Variants in CEP112 observed in about 807,000 individuals in gnomAD.
CEP112 encodes centrosomal protein of 112 kDa.
Under a neutral mutation model 153.0 loss-of-function variants are expected in CEP112, and 127 were observed. The observed-to-expected ratio is 0.83, with a 90% CI of 0.72 to 0.96. CEP112 has a LOEUF of 0.96. Ranked by LOEUF, CEP112 falls within the 40% of genes least tolerant of loss-of-function variation. The pLI, the probability that CEP112 is intolerant of heterozygous loss-of-function variation, is 0.00. For missense variants in CEP112, 1,089 were observed against 1,101.2 expected, an observed-to-expected ratio of 0.99 and a Z score of 0.16; for synonymous variants, 358 against 374.4, an observed-to-expected ratio of 0.96 and a Z score of 0.51.
intron 23 of CEP112, among the ~76,000 whole-genome samples, chr17:65,713,458 C>T (rs1205052698): frequency 2.0e-5 from 3 of 152,166 alleles, no homozygotes; most frequent in African/African-American, 4.8e-5. Flanking sequence ...AAGTGTTGTG[C>T]TACACATTGG....
intron 21 of CEP112, among the ~76,000 whole-genome samples, chr17:65,773,424 T>A (rs1395706828): frequency 6.7e-6 from 1 of 149,090 alleles, no homozygotes; most frequent in Non-Finnish European, 1.5e-5. Flanking sequence ...CATTTTTTTA[T>A]AATACTCATT....
Position 65,862,685 on chromosome 17 carries a change from CAT to C in CEP112, c.2164-10653_2164-10652del, listed in dbSNP as rs374389012. On this transcript the variant is annotated intron_variant, in intron 20 of 26. Coordinates refer to ENST00000535342, the MANE Select transcript of CEP112 (RefSeq NM_001199165.4). ...ATTAGTATTTAAATATTAATTATGACATATTCTTTGTATGTATCAGACACTAG... is the reference window on the plus strand; with the variant it reads ...ATTAGTATTTAAATATTAATTATGACATTCTTTGTATGTATCAGACACTAG... Among the ~76,000 whole-genome samples, 200 of 152,130 alleles carry C rather than the reference CAT, an allele frequency of 1.3e-3. 1 individual carries two copies. Among genetic ancestry groups the C allele is most frequent in the African/African-American group, 4.7e-3 (195 of 41,504 alleles).
chr17:65,960,531 G>A (rs2062162022), intron 18 of CEP112, among the ~76,000 whole-genome samples: 1 of 152,116 alleles, frequency 6.6e-6, no homozygotes, highest in Non-Finnish European at 1.5e-5. Context: ...AGACAGTCAA[G>A]TTCCTCATAT....
At chr17:65,676,750 T>A (rs61454029) in intron 24 of CEP112, among the ~76,000 whole-genome samples, 134 of 152,208 alleles carry the variant, frequency 8.8e-4, no homozygotes, top group Non-Finnish European at 1.6e-3. Flanking sequence ...TGATATACCA[T>A]CTCATTTACC....
intron 6 of CEP112, among the ~76,000 whole-genome samples, chr17:66,100,623 T>C (rs1375462392): frequency 6.6e-6 from 1 of 151,844 alleles, no homozygotes; most frequent in Non-Finnish European, 1.5e-5. Flanking sequence ...TAAATGCAAC[T>C]AAATATTTTA....
At chr17:65,814,376 G>A (rs2056149813) in intron 21 of CEP112, among the ~76,000 whole-genome samples, 1 of 152,146 alleles carries the variant, frequency 6.6e-6, no homozygotes, top group African/African-American at 2.4e-5. Context: ...TTGTTACCAT[G>A]TGGATAATGG....
intron 17 of CEP112, among the ~76,000 whole-genome samples, chr17:66,001,066 C>G (rs2160670): frequency 0.41 from 62,477 of 151,980 alleles, 14,309 homozygotes; most frequent in East Asian, 0.87. Flanking sequence ...CTATCATTAT[C>G]AAATAACTGG....
At chr17:65,663,916 T>A (rs12944600) in intron 24 of CEP112, among the ~76,000 whole-genome samples, 1 of 151,824 alleles carries the variant, frequency 6.6e-6, no homozygotes, top group Non-Finnish European at 1.5e-5. Flanking sequence ...CGTGGTGGCG[T>A]GCGCCTGTAG....
chr17:66,089,594 A>G (rs913185363), intron 8 of CEP112, among the ~76,000 whole-genome samples: 1 of 152,182 alleles, frequency 6.6e-6, no homozygotes, highest in Non-Finnish European at 1.5e-5. Context: ...AAATTCAGTA[A>G]ACTCAAATAT....
At chr17:65,857,252 G>A (rs2058153013) in intron 20 of CEP112, among the ~76,000 whole-genome samples, 1 of 152,132 alleles carries the variant, frequency 6.6e-6, no homozygotes, top group African/African-American at 2.4e-5. Flanking sequence ...AAAGCCTAAA[G>A]CAAAACAAAA....
At chr17:66,031,532 T>C (rs2065484951) in intron 12 of CEP112, among the ~76,000 whole-genome samples, 1 of 149,786 alleles carries the variant, frequency 6.7e-6, no homozygotes, top group Non-Finnish European at 1.5e-5. Flanking sequence ...AATCTTGGCT[T>C]ACTACAGCCT....
At chr17:65,637,254 A>G in intron 25 of CEP112, 66 bp from the exon 26 acceptor site, 3 of 1,044,000 alleles carry the variant, frequency 2.9e-6, no homozygotes, top group Non-Finnish European at 4.5e-6. Context: ...TGCAAATAGT[A>G]TGGTAAGATT....
At chr17:65,669,628 GTA>G (rs2046865953) in intron 24 of CEP112, among the ~76,000 whole-genome samples, 2 of 152,224 alleles carry the variant, frequency 1.3e-5, no homozygotes, top group African/African-American at 2.4e-5. Context: ...AAAAGGCCGG[GTA>G]CGGTGGCTCA....
Position 66,183,233 on chromosome 17 carries a change from C to T in CEP112, c.67G>A (p.Asp23Asn). The T allele has an allele frequency of 1.2e-6, 2 of 1,611,090 alleles. No individual in the cohort carries two copies. Among genetic ancestry groups the T allele is most frequent in the Non-Finnish European group, 1.7e-6 (2 of 1,178,632 alleles). The change falls in exon 2 of 27, where the codon GAT (aspartate) becomes AAT (asparagine). Residue 23 changes from aspartate (D) to asparagine (N), a missense_variant. Asp to Asn is a conservative substitution (Grantham distance 23, BLOSUM62 1). Coordinates refer to ENST00000535342, the MANE Select transcript of CEP112 (RefSeq NM_001199165.4). The part of the protein sequence containing the change: ...LDAEFDHFVV[D>N]MKPFVLKLPH... ...AATTTTAGAACAAAGGGCTTCATAT[C>T]AACCACAAAGTGATCAAATTCTGCA...
Position 66,147,419 on chromosome 17 carries a change from A to G in CEP112, c.471-14656T>C, listed in dbSNP as rs182170934. On this transcript the variant is annotated intron_variant, in intron 4 of 26. Coordinates refer to ENST00000535342, the MANE Select transcript of CEP112 (RefSeq NM_001199165.4). ...ACCCCTTTTCAAATATATGCTTTGC[A>G]AATATATTCTTCCATTCCATTGACT... 1.7e-4 allele frequency among the ~76,000 whole-genome samples: 26 copies of G among 152,246 alleles called. No homozygotes were observed. In the East Asian group the frequency reaches 4.8e-3, roughly 28 times the overall value.
chr17:65,965,902 A>G (rs1428345390), intron 17 of CEP112, among the ~76,000 whole-genome samples: 1 of 152,182 alleles, frequency 6.6e-6, no homozygotes, highest in Non-Finnish European at 1.5e-5. Context: ...TAATTTCTAC[A>G]TGGTAATGAA....
intron 23 of CEP112, among the ~76,000 whole-genome samples, chr17:65,707,580 C>T (rs2048979695): frequency 6.6e-6 from 1 of 152,164 alleles, no homozygotes; most frequent in Non-Finnish European, 1.5e-5. Flanking sequence ...TTGTACCAGT[C>T]TCCACTTTGG....
intron 2 of CEP112, among the ~76,000 whole-genome samples, chr17:66,178,035 T>C (rs931730770): frequency 2.0e-5 from 3 of 152,212 alleles, no homozygotes; most frequent in Non-Finnish European, 4.4e-5. Flanking sequence ...GGAGTGCAGA[T>C]ATCTCTTGGA....
At chr17:65,887,224 C>A (rs2318872) in intron 20 of CEP112, among the ~76,000 whole-genome samples, 122,036 of 152,062 alleles carry the variant, frequency 0.8, 50,495 homozygotes, top group Non-Finnish European at 0.91. Flanking sequence ...CCTTGCACTT[C>A]AGAGCTGCAT....
Sources: allele counts gnomAD v4.1 joint callset (sites outside exome capture counted in the v4.1 genomes callset), GRCh38; gene constraint gnomAD v4.1.1; transcripts MANE v1.5; gene names NCBI Gene and HGNC (gene_info 2026-07-23, HGNC 2026-07-21).